The following MEIKIN variants were observed in gnomAD, a reference collection of about 807,000 sequenced individuals.
MEIKIN encodes meiosis-specific kinetochore protein.
intron 8 of MEIKIN, among the ~76,000 whole-genome samples, chr5:131,896,357 T>C (rs1751051394): frequency 6.6e-6 from 1 of 152,186 alleles, no homozygotes; most frequent in Non-Finnish European, 1.5e-5. Flanking sequence ...AGAATGTAAA[T>C]TCTGTTGATT....
chr5:131,851,499 C>G (rs1750115150), intron 10 of MEIKIN, 116 bp from the exon 11 acceptor site: 1 of 390,838 alleles, frequency 2.6e-6, no homozygotes, highest in Non-Finnish European at 4.5e-6. Flanking sequence ...TTCCTGTAAA[C>G]TTGACACAGG....
chr5:131,852,176 C>T (rs1189576886), intron 10 of MEIKIN, among the ~76,000 whole-genome samples: 1 of 152,112 alleles, frequency 6.6e-6, no homozygotes, highest in East Asian at 1.9e-4. Flanking sequence ...CCCCATAGGT[C>T]AAGGGAGGGA....
At chr5:131,876,762 A>T (rs1346914490) in intron 9 of MEIKIN, among the ~76,000 whole-genome samples, 3 of 151,762 alleles carry the variant, frequency 2.0e-5, no homozygotes, top group African/African-American at 7.3e-5. Context: ...TCCAACGATG[A>T]TAGACTGGAT....
intron 5 of MEIKIN, among the ~76,000 whole-genome samples, chr5:131,933,115 TA>T (rs1442538075): frequency 6.6e-6 from 1 of 152,220 alleles, no homozygotes; most frequent in Non-Finnish European, 1.5e-5. Context: ...TAAATGTAAA[TA>T]ACTCTTAATT....
chr5:131,854,797 C>G lies in MEIKIN; in HGVS notation c.812G>C (p.Gly271Ala), dbSNP rs939099809. ...TGAAGATGGAGTACTTGTTAAAAGG[C>G]CTCTGTTTTTCTTACCAGGAGTACT... The part of the protein sequence containing the change: ...NSSTPGKKNR[G>A]LLTSTPSSET... The change falls in exon 10 of 13, where the codon GGC becomes GCC. Residue 271 changes from glycine (G) to alanine (A), a missense_variant. Gly to Ala is a moderately conservative substitution (Grantham distance 60). Coordinates refer to ENST00000442687, the MANE Select transcript of MEIKIN (RefSeq NM_001303622.2). The G allele has an allele frequency of 5.0e-6, 2 of 397,636 alleles. No individual in the cohort carries two copies. Among genetic ancestry groups the G allele is most frequent in the Admixed American group, 8.8e-5 (2 of 22,684 alleles). 24.6% of individuals were successfully genotyped at this position (397,636 alleles called of 1,614,324 possible).
At chr5:131,838,383 G>A (rs1432897795) in intron 11 of MEIKIN, among the ~76,000 whole-genome samples, 1 of 151,986 alleles carries the variant, frequency 6.6e-6, no homozygotes. Context: ...AAGTTAGAGG[G>A]GAGTCCCTCA....
chr5:131,884,836 A>G (rs2149630630), intron 8 of MEIKIN, among the ~76,000 whole-genome samples: 1 of 152,040 alleles, frequency 6.6e-6, no homozygotes, highest in Non-Finnish European at 1.5e-5. Flanking sequence ...AGCATTTACC[A>G]TAAGCTGACT....
rs528899667 is a variant in MEIKIN, at chr5:131,888,649, A to G, written c.704-9601T>C. On this transcript the variant is annotated intron_variant, in intron 8 of 12. Transcript: ENST00000442687. ...GAGTAGATTGCAAAACTTTTCTTCC[A>G]TTCTGTAGGTTGCCTGGTCACTCTG... Among the ~76,000 whole-genome samples, 35 of 152,086 alleles carry G rather than the reference A, an allele frequency of 2.3e-4. No homozygotes were observed. The East Asian group carries it at 6.8e-3, about 29-fold the overall frequency.
chr5:131,871,035 G>A (rs928360625), intron 9 of MEIKIN, among the ~76,000 whole-genome samples: 8 of 152,228 alleles, frequency 5.3e-5, no homozygotes, highest in Non-Finnish European at 7.3e-5. Context: ...CAAGATGGCC[G>A]AATAGGAACA....
rs1167213249 is a variant in MEIKIN at position 131,819,765 on chromosome 5, ATTTTTTTTTTTTTTT to A, written c.976-917_976-903del. 4.6e-5 allele frequency among the ~76,000 whole-genome samples: 3 copies of A among 64,574 alleles called. No individual in the cohort carries two copies. The East Asian group carries it at 1.4e-3, about 30-fold the overall frequency. 42.4% of individuals were successfully genotyped at this position (64,574 alleles called of 152,430 possible). A position where few individuals can be genotyped will look rare whatever the true frequency, so the allele number is the denominator to read the frequency against. On this transcript the variant is annotated intron_variant, in intron 11 of 12. Transcript: ENST00000442687. ...TAGGCATGCACCACTACATCCAGCTATTTTTTTTTTTTTTTTTTTTTTTTTTTTGAGACGGAGTCT... is the reference window on the plus strand; with the variant it reads ...TAGGCATGCACCACTACATCCAGCTATTTTTTTTTTTTTGAGACGGAGTCT...
intron 11 of MEIKIN, among the ~76,000 whole-genome samples, chr5:131,824,507 G>A (rs1749576755): frequency 6.6e-6 from 1 of 152,034 alleles, no homozygotes; most frequent in Admixed American, 6.6e-5. Flanking sequence ...GTAACAGAGA[G>A]AGACATCCTG....
At chr5:131,873,981 A>T (rs955174767) in intron 9 of MEIKIN, among the ~76,000 whole-genome samples, 1 of 152,228 alleles carries the variant, frequency 6.6e-6, no homozygotes, top group Admixed American at 6.5e-5. Flanking sequence ...AATCTCTGGG[A>T]CATATTCAAA....
intron 8 of MEIKIN, among the ~76,000 whole-genome samples, chr5:131,901,362 C>A (rs1751154357): frequency 6.6e-6 from 1 of 152,184 alleles, no homozygotes; most frequent in Non-Finnish European, 1.5e-5. Flanking sequence ...CTCGTCCTAA[C>A]ATCGCCACCA....
rs180991145 is a variant in MEIKIN at position 131,890,459 on chromosome 5, C to T, written c.704-11411G>A. Among the ~76,000 whole-genome samples the T allele has an allele frequency of 3.9e-4, 60 of 152,166 alleles. No homozygotes were observed. The East Asian group carries it at 0.011, about 27-fold the overall frequency. On this transcript the variant is annotated intron_variant, in intron 8 of 12. Coordinates refer to ENST00000442687, the MANE Select transcript of MEIKIN (RefSeq NM_001303622.2). ...TCGAGGAACTTATCCATTTATGTGT[C>T]GAGGAATTTATCCATTTCTTCTAGA...
intron 8 of MEIKIN, among the ~76,000 whole-genome samples, chr5:131,886,218 G>A (rs145793164): frequency 2.0e-5 from 3 of 152,196 alleles, no homozygotes; most frequent in African/African-American, 4.8e-5. Flanking sequence ...TAAACAGGAG[G>A]TAGAGAAAAA....
chr5:131,893,513 G>A lies in MEIKIN; in HGVS notation c.704-14465C>T, dbSNP rs947228134. 3.9e-5 allele frequency among the ~76,000 whole-genome samples: 6 copies of A among 152,318 alleles called. No homozygotes were observed. In the East Asian group the frequency reaches 1.2e-3, roughly 29 times the overall value. On this transcript the variant is annotated intron_variant, in intron 8 of 12. Transcript: ENST00000442687. ...TCACCCCTTTCTTTGACTAGGAAAG[G>A]GAATTCTCTCACCCCTTGCACTTCC... is the stretch of plus-strand genomic sequence containing the variant.
At chr5:131,808,420 A>G (rs1274585960) in intron 12 of MEIKIN, among the ~76,000 whole-genome samples, 1 of 152,192 alleles carries the variant, frequency 6.6e-6, no homozygotes, top group African/African-American at 2.4e-5. Flanking sequence ...ATGCTTTACA[A>G]TACTAGAGAC....
chr5:131,833,807 G>A (rs962938760), intron 11 of MEIKIN, among the ~76,000 whole-genome samples: 1 of 152,146 alleles, frequency 6.6e-6, no homozygotes, highest in African/African-American at 2.4e-5. Flanking sequence ...TGGGGACACA[G>A]CCAAACCATA....
At chr5:131,840,517 A>G (rs1473370527) in intron 11 of MEIKIN, among the ~76,000 whole-genome samples, 2 of 152,080 alleles carry the variant, frequency 1.3e-5, no homozygotes, top group Admixed American at 6.5e-5. Flanking sequence ...ACATAATCCC[A>G]TATTTCTTGG....
Sources: gnomAD v4.1 joint callset for allele counts (sites outside exome capture counted in the v4.1 genomes callset) on GRCh38, gnomAD v4.1.1 for gene constraint, MANE v1.5 for transcripts, NCBI Gene and HGNC (gene_info 2026-07-23, HGNC 2026-07-21) for gene names.